The following MB variants were observed in gnomAD, a reference collection of about 807,000 sequenced individuals.
The protein encoded by MB is nitrite reductase MB.
In MB, 10 loss-of-function variants were observed where a neutral mutation model predicts 14.5. The ratio of observed to expected loss-of-function variants is 0.69; its 90% CI spans 0.43 to 1.17. MB has a LOEUF of 1.17. MB is among the 50% of genes most tolerant of loss of function. MB has a pLI of 0.00. For missense variants in MB, 169 were observed against 192.7 expected (o/e 0.88, Z 0.73); for synonymous variants, 89 against 78.6 (o/e 1.13, Z -0.70).
intron 1 of MB, among the ~76,000 whole-genome samples, chr22:35,614,014 T>C (rs1922868072): frequency 6.6e-6 from 1 of 152,184 alleles, no homozygotes. Flanking sequence ...GGGCGTTTGC[T>C]CTAGTATTTC....
chr22:35,617,617 A>G (rs1332014896), upstream of MB: 2 of 220,014 alleles, frequency 9.1e-6, no homozygotes, highest in Admixed American at 5.5e-5. Context: ...CAGAAAGGGC[A>G]CCACAGAAGC....
upstream of MB, among the ~76,000 whole-genome samples, chr22:35,618,035 T>C (rs1382977208): frequency 1.3e-5 from 2 of 152,248 alleles, no homozygotes; most frequent in Admixed American, 1.3e-4. Flanking sequence ...TTTCATGCCA[T>C]CTTCTCCATT....
chr22:35,617,005 C>T, intron 1 of MB, 158 bp downstream of exon 1: 1 of 622,338 alleles, frequency 1.6e-6, no homozygotes, highest in Non-Finnish European at 2.9e-6. Flanking sequence ...AGTCCAATCC[C>T]TGACACTTAA....
intron 1 of MB, among the ~76,000 whole-genome samples, chr22:35,612,129 A>G (rs1922678798): frequency 6.6e-6 from 1 of 152,070 alleles, no homozygotes; most frequent in African/African-American, 2.4e-5. Flanking sequence ...GGCACGGGCA[A>G]CCCTGTCTGC....
intron 1 of MB, among the ~76,000 whole-genome samples, chr22:35,614,488 C>CAA (rs34697597): frequency 0.017 from 2,413 of 141,202 alleles, 28 homozygotes; most frequent in Middle Eastern, 0.07. Context: ...GACTCCATCT[C>CAA]AAAAAAAAAA....
chr22:35,620,130 TCGA>T (rs1171590456), upstream of MB, among the ~76,000 whole-genome samples: 2 of 152,150 alleles, frequency 1.3e-5, no homozygotes, highest in Non-Finnish European at 1.5e-5. Context: ...GGTCAAGAGA[TCGA>T]GACTATCCTG....
chr22:35,617,243 G>A lies in MB; in HGVS notation c.15C>T (p.Asp5=), dbSNP rs199884973. MGLS[D]GEWQLVLNVW... ...CGTTCAGCACCAACTGCCATTCCCC[G>A]TCGCTGAGCCCCATGGCGCAGTCTG... is the stretch of plus-strand genomic sequence containing the variant. The change falls in exon 1 of 3, where the codon GAC becomes GAT. Residue 5 remains aspartate (D), a synonymous_variant. Coordinates refer to ENST00000397326, the MANE Select transcript of MB (RefSeq NM_005368.3). 8.6e-5 allele frequency: 138 copies of A among 1,613,994 alleles called. No homozygotes were observed. The highest frequency in any genetic ancestry group is 1.8e-4 in the East Asian group (8 of 44,876).
upstream of MB, chr22:35,617,729 G>A: frequency 6.0e-6 from 1 of 166,906 alleles, no homozygotes; most frequent in Non-Finnish European, 1.3e-5. Flanking sequence ...GCTGGCCCCA[G>A]GACAGTCCTG....
chr22:35,609,521 A>C (rs1347681020), intron 2 of MB, among the ~76,000 whole-genome samples: 2 of 152,148 alleles, frequency 1.3e-5, no homozygotes, highest in Non-Finnish European at 2.9e-5. Context: ...GGTCGAAGTT[A>C]AAGAGGGGTG....
At chr22:35,614,007 C>T (rs960991406) in intron 1 of MB, among the ~76,000 whole-genome samples, 7 of 152,206 alleles carry the variant, frequency 4.6e-5, no homozygotes, top group Admixed American at 1.3e-4. Flanking sequence ...GGACGGAGGG[C>T]GTTTGCTCTA....
intron 2 of MB, among the ~76,000 whole-genome samples, chr22:35,609,488 G>A (rs527599958): frequency 3.3e-5 from 5 of 152,280 alleles, no homozygotes; most frequent in African/African-American, 4.8e-5. Flanking sequence ...AGGACTCTGC[G>A]CAATTGTGGG....
chr22:35,617,718 G>A (rs933445791), upstream of MB: 26 of 167,726 alleles, frequency 1.6e-4, no homozygotes, highest in East Asian at 1.8e-4. Context: ...CAGGTGCCCC[G>A]GCTGGCCCCA....
intron 1 of MB, 168 bp downstream of exon 1, chr22:35,616,995 A>G: frequency 1.7e-6 from 1 of 595,616 alleles, no homozygotes; most frequent in Non-Finnish European, 3.0e-6. Flanking sequence ...CCCTCTCCTG[A>G]GTCCAATCCC....
intron 1 of MB, among the ~76,000 whole-genome samples, chr22:35,611,707 A>C (rs962028407): frequency 6.6e-6 from 1 of 152,030 alleles, no homozygotes; most frequent in Non-Finnish European, 1.5e-5. Context: ...GAGCAACTCA[A>C]CCCAGCCCTG....
upstream of MB, among the ~76,000 whole-genome samples, chr22:35,619,013 C>G (rs1923294311): frequency 6.6e-6 from 1 of 151,910 alleles, no homozygotes. Context: ...ATCCATCTAT[C>G]CATCCATCAT....
At chr22:35,607,675 G>A (rs1041823718) in intron 2 of MB, among the ~76,000 whole-genome samples, 9 of 152,028 alleles carry the variant, frequency 5.9e-5, no homozygotes, top group Non-Finnish European at 1.2e-4. Context: ...AAACTGAGGC[G>A]AGGGGAGGTT....
chr22:35,609,600 C>T (rs148603946), intron 2 of MB, among the ~76,000 whole-genome samples: 1 of 152,286 alleles, frequency 6.6e-6, no homozygotes, highest in Non-Finnish European at 1.5e-5. Flanking sequence ...TACCATGGAT[C>T]TGACTGTACC....
chr22:35,618,010 A>C (rs895605811), upstream of MB, among the ~76,000 whole-genome samples: 1 of 152,150 alleles, frequency 6.6e-6, no homozygotes, highest in Non-Finnish European at 1.5e-5. Flanking sequence ...CCCAAAGGGC[A>C]TCCTATTTCC....
At chr22:35,611,160 G>A in intron 1 of MB, 54 bp from the exon 2 acceptor site, 1 of 1,316,650 alleles carries the variant, frequency 7.6e-7, no homozygotes. Flanking sequence ...GTGAGGTCTG[G>A]GGGCAGCCAG....
Sources: allele counts gnomAD v4.1 joint callset (sites outside exome capture counted in the v4.1 genomes callset), GRCh38; gene constraint gnomAD v4.1.1; transcripts MANE v1.5; gene names NCBI Gene and HGNC (gene_info 2026-07-23, HGNC 2026-07-21).